JAKMIP1: variants seen among roughly 807,000 people sequenced by gnomAD.
JAKMIP1 encodes janus kinase and microtubule interacting protein 1, also known as janus kinase and microtubule-interacting protein 1.
In JAKMIP1, 33 loss-of-function variants were observed where a neutral mutation model predicts 113.0. The observed-to-expected ratio is 0.29, with a 90% CI of 0.22 to 0.39. The LOEUF (loss-of-function observed/expected upper bound fraction) is 0.39. JAKMIP1 is among the 10% of genes least tolerant of loss of function. JAKMIP1 has a pLI of 1.00. For missense variants in JAKMIP1, 813 were observed against 1,080.5 expected (o/e 0.75, Z 3.47); for synonymous variants, 480 against 459.9 (o/e 1.04, Z -0.56).
rs143242648 is a variant in JAKMIP1, at chr4:6,184,241, A to C, written c.-148+16012T>G. Among the ~76,000 whole-genome samples, 1 of 152,294 alleles carries C rather than the reference A, an allele frequency of 6.6e-6. No homozygotes were observed. Among genetic ancestry groups the C allele is most frequent in the East Asian group, 1.9e-4 (1 of 5,176 alleles). ...TGTCCTGTGAGTATCATCCCTTCTC[A>C]ATAGGCAGAAACCAGGTGCCCAGCA... On this transcript the variant is annotated intron_variant, in intron 1 of 20. Coordinates refer to ENST00000409021, the MANE Select transcript of JAKMIP1 (RefSeq NM_001099433.2). The surrounding 1 kb of genome is among the most constrained non-coding windows in gnomAD (Gnocchi z 4.5).
chr4:6,129,763 A>T lies in JAKMIP1; in HGVS notation c.-147-16766T>A, dbSNP rs185915998. ...ATGAAGCACAACTCCCGCCCCTAGA[A>T]AAGTATTCTGAGGTCAAAACACCCT... On this transcript the variant is annotated intron_variant, in intron 1 of 20. Transcript: ENST00000409021. The surrounding 1 kb of genome is among the most constrained non-coding windows in gnomAD (Gnocchi z 5.4). Among the ~76,000 whole-genome samples, 240 of 152,308 alleles carry T rather than the reference A, an allele frequency of 1.6e-3. No homozygotes were observed. The highest frequency in any genetic ancestry group is 2.9e-3 in the Non-Finnish European group (196 of 68,026).
intron 16 of JAKMIP1, among the ~76,000 whole-genome samples, chr4:6,047,768 G>T (rs929027547): frequency 2.0e-5 from 3 of 152,172 alleles, no homozygotes; most frequent in Non-Finnish European, 4.4e-5. Flanking sequence ...CCTCATCACT[G>T]CAAAAATAGC....
intron 2 of JAKMIP1, among the ~76,000 whole-genome samples, chr4:6,109,998 G>A (rs866379295): frequency 6.6e-6 from 1 of 152,166 alleles, no homozygotes; most frequent in Admixed American, 6.5e-5. Flanking sequence ...ATTGCCACAC[G>A]TCCCAGAGGC....
chr4:6,084,951 G>T lies in JAKMIP1; in HGVS notation c.849C>A (p.Asp283Glu). ...ELMGVQDQHM[D>E]ERDVRRFQLK... is the part of the protein sequence containing the mutation. ...GTTGAAATCGCCTCACATCTCGCTCGTCCATATGTTGATCCTAAAAAAAAA... is the reference window on the plus strand; with the variant it reads ...GTTGAAATCGCCTCACATCTCGCTCTTCCATATGTTGATCCTAAAAAAAAA... The change falls in exon 5 of 21, where the codon GAC becomes GAA. Residue 283 changes from aspartate to glutamate, a missense_variant. Asp to Glu is a conservative substitution (Grantham distance 45). This residue lies in a region of JAKMIP1 where 540 missense variants were observed against 653.9 expected (regional missense o/e 0.83). Transcript: ENST00000409021. The T allele has an allele frequency of 3.5e-6, 3 of 860,150 alleles. No homozygotes were observed. Among genetic ancestry groups the T allele is most frequent in the Admixed American group, 2.8e-5 (1 of 35,502 alleles). The allele number at this position is 860,150 out of a possible 1,614,324, so 53.3% of individuals were successfully genotyped here.
intron 1 of JAKMIP1, among the ~76,000 whole-genome samples, chr4:6,126,744 G>A (rs1239912076): frequency 7.0e-6 from 1 of 143,626 alleles, no homozygotes; most frequent in African/African-American, 2.6e-5. Flanking sequence ...CACACACCAG[G>A]CAGAAACACA....
chr4:6,066,335 C>T (rs1718075382), intron 8 of JAKMIP1, among the ~76,000 whole-genome samples: 1 of 152,192 alleles, frequency 6.6e-6, no homozygotes, highest in African/African-American at 2.4e-5. Context: ...TGTCACCTTA[C>T]ACAGTTTCTG....
intron 3 of JAKMIP1, among the ~76,000 whole-genome samples, chr4:6,104,057 T>C (rs1038339027): frequency 6.6e-6 from 1 of 152,226 alleles, no homozygotes; most frequent in Admixed American, 6.5e-5. Flanking sequence ...TTTAGATGCT[T>C]GATTTTCAGC....
chr4:6,139,079 C>CAT lies in JAKMIP1; in HGVS notation c.-147-26083_-147-26082insAT, dbSNP rs1381231843. Among the ~76,000 whole-genome samples the CAT allele has an allele frequency of 3.3e-4, 46 of 137,352 alleles. No homozygotes were observed. The highest frequency in any genetic ancestry group is 8.2e-4 in the Admixed American group (12 of 14,634). The allele number at this position is 137,352 out of a possible 152,430, so 90.1% of individuals were successfully genotyped here. On this transcript the variant is annotated intron_variant, in intron 1 of 20. Transcript: ENST00000409021. This position sits in a 1 kb window ranked among gnomAD's most constrained non-coding sequence, Gnocchi z 5.2. Reference sequence around the variant, plus strand: ...AAACACACACACACACACACACACACACACATATACACACACACACACACA... The same window carrying CAT: ...AAACACACACACACACACACACACACATACACATATACACACACACACACACA...
intron 16 of JAKMIP1, among the ~76,000 whole-genome samples, chr4:6,048,212 C>T (rs1429348537): frequency 3.3e-5 from 5 of 152,198 alleles, no homozygotes; most frequent in African/African-American, 9.7e-5. Context: ...AAATCAACAA[C>T]GTGTAAGGCT....
chr4:6,084,967 TAAAAAAAAAAA>T lies in JAKMIP1; in HGVS notation c.835-13_835-3del, dbSNP rs56874913. 31 of 377,948 alleles carry T rather than the reference TAAAAAAAAAAA, an allele frequency of 8.2e-5. No homozygotes were observed. Among genetic ancestry groups the T allele is most frequent in the South Asian group, 1.9e-4 (2 of 10,324 alleles). 23.4% of individuals were successfully genotyped at this position (377,948 alleles called of 1,614,324 possible). On this transcript the variant is annotated splice_region_variant and splice_polypyrimidine_tract_variant and intron_variant, in intron 4 of 20. Coordinates refer to ENST00000409021, the MANE Select transcript of JAKMIP1 (RefSeq NM_001099433.2). Reference sequence around the variant, plus strand: ...ATCTCGCTCGTCCATATGTTGATCCTAAAAAAAAAAAAAAAAAAAAAAAAAAAGTCAAGACG... The same window carrying T: ...ATCTCGCTCGTCCATATGTTGATCCTAAAAAAAAAAAAAAAAGTCAAGACG...
intron 1 of JAKMIP1, among the ~76,000 whole-genome samples, chr4:6,145,741 T>C (rs1326337734): frequency 6.6e-6 from 1 of 152,198 alleles, no homozygotes; most frequent in East Asian, 1.9e-4. Flanking sequence ...GGTCATGGTA[T>C]TGGCAGGGTT....
At chr4:6,063,440 T>C (rs16838159) in intron 9 of JAKMIP1, among the ~76,000 whole-genome samples, 38,377 of 152,188 alleles carry the variant, frequency 0.25, 5,441 homozygotes, top group East Asian at 0.67. Flanking sequence ...CTGAGTAGCC[T>C]AGTCCAGACC....
chr4:6,107,371 C>T (rs960978669), intron 2 of JAKMIP1, among the ~76,000 whole-genome samples: 1 of 152,228 alleles, frequency 6.6e-6, no homozygotes, highest in Non-Finnish European at 1.5e-5. Context: ...GCAAATTTCT[C>T]TGCCTCTATG....
chr4:6,055,564 C>T (rs1274043410), intron 12 of JAKMIP1, among the ~76,000 whole-genome samples: 2 of 152,192 alleles, frequency 1.3e-5, no homozygotes, highest in African/African-American at 4.8e-5. Flanking sequence ...AGGCGCCCAC[C>T]ACACTGGTGG....
intron 3 of JAKMIP1, among the ~76,000 whole-genome samples, chr4:6,101,732 C>CAAAAAAAAAAAAA (rs56084278): frequency 1.0e-5 from 1 of 96,594 alleles, no homozygotes; most frequent in African/African-American, 4.1e-5. Flanking sequence ...ACTAAAAATA[C>CAAAAAAAAAAAAA]AAAAAAAAAA....
At chr4:6,039,434 A>G (rs1349790957) in intron 18 of JAKMIP1, among the ~76,000 whole-genome samples, 1 of 152,158 alleles carries the variant, frequency 6.6e-6, no homozygotes, top group Non-Finnish European at 1.5e-5. Context: ...GCTTTGCGGG[A>G]CCCTAAGTTC....
chr4:6,177,198 T>G (rs1376980935), intron 1 of JAKMIP1, among the ~76,000 whole-genome samples: 1 of 152,120 alleles, frequency 6.6e-6, no homozygotes, highest in African/African-American at 2.4e-5. Flanking sequence ...GAAAAAACAC[T>G]TAGCAAATAT....
At chr4:6,058,357 C>A (rs558782595) in intron 11 of JAKMIP1, among the ~76,000 whole-genome samples, 83 of 152,342 alleles carry the variant, frequency 5.4e-4, no homozygotes, top group African/African-American at 1.9e-3. Flanking sequence ...TAAGCCCCTC[C>A]TATGTAGCTG....
rs180774066 is a variant in JAKMIP1 at position 6,141,161 on chromosome 4, C to T, written c.-147-28164G>A. ...ATTTAAAGTGGTAGACGAGGCCGGG[C>T]GCAGTGGCTCATGCCTGTAATCCCA... is the stretch of plus-strand genomic sequence containing the variant. On this transcript the variant is annotated intron_variant, in intron 1 of 20. Coordinates refer to ENST00000409021, the MANE Select transcript of JAKMIP1 (RefSeq NM_001099433.2). This position sits in a 1 kb window ranked among gnomAD's most constrained non-coding sequence, Gnocchi z 9.4. 3.9e-5 allele frequency among the ~76,000 whole-genome samples: 6 copies of T among 152,184 alleles called. No individual in the cohort carries two copies. Among genetic ancestry groups the T allele is most frequent in the Middle Eastern group, 3.2e-3 (1 of 316 alleles).
Sources: allele counts gnomAD v4.1 joint callset (sites outside exome capture counted in the v4.1 genomes callset), GRCh38; gene constraint gnomAD v4.1.1; regional missense constraint gnomAD v4.1.1; non-coding constraint Gnocchi (gnomAD v3.1); transcripts MANE v1.5; gene names NCBI Gene and HGNC (gene_info 2026-07-23, HGNC 2026-07-21).